RCN1: variants seen among roughly 807,000 people sequenced by gnomAD.
RCN1 encodes the protein reticulocalbin-1.
A neutral mutation model predicts 34.7 loss-of-function variants in RCN1; 14 were observed. The observed-to-expected ratio is 0.40, with a 90% CI of 0.27 to 0.63. The LOEUF is 0.63. Among genes scored for constraint, RCN1 ranks in the 30% least tolerant of loss-of-function variants. The pLI is 0.37. For synonymous variants in RCN1, 125 were observed against 165.5 expected, an observed-to-expected ratio of 0.76 and a Z score of 1.88; for missense variants, 326 against 425.1, an observed-to-expected ratio of 0.77 and a Z score of 2.05.
At chr11:32,098,611 T>C (rs774131786) in intron 3 of RCN1, 83 bp downstream of exon 3, 81 of 1,136,650 alleles carry the variant, frequency 7.1e-5, no homozygotes, top group Non-Finnish European at 8.7e-5. Flanking sequence ...AGAGAGAAGA[T>C]TTTTCAGCCT....
chr11:32,097,011 TGTTGTA>T (rs1367264270), intron 1 of RCN1, 127 bp from the exon 2 acceptor site: 4 of 646,044 alleles, frequency 6.2e-6, no homozygotes, highest in African/African-American at 5.6e-5. Flanking sequence ...TCATTGATTC[TGTTGTA>T]GTTGTATGTG....
In RCN1 at chr11:32,091,423, C is replaced by A; in HGVS notation, c.227C>A (p.Thr76Asn). The A allele has an allele frequency of 2.6e-6, 4 of 1,548,034 alleles. No homozygotes were observed. The highest frequency in any genetic ancestry group is 3.5e-6 in the Non-Finnish European group (4 of 1,145,716). ...KEDSKTFDQLTPDESKERLGK... is the reference protein window; with the variant it reads ...KEDSKTFDQLNPDESKERLGK... ...GACTCCAAGACCTTCGACCAGCTCACCCCGGACGAGAGCAAGGAGAGGCTA... is the reference window on the plus strand; with the variant it reads ...GACTCCAAGACCTTCGACCAGCTCAACCCGGACGAGAGCAAGGAGAGGCTA... The change falls in exon 1 of 6, where the codon ACC (threonine) becomes AAC (asparagine). Residue 76 changes from threonine (T) to asparagine (N), a missense_variant. Coordinates refer to ENST00000054950, the MANE Select transcript of RCN1 (RefSeq NM_002901.4).
Position 32,091,160 on chromosome 11 carries a change from T to G in RCN1, c.-37T>G. Reference sequence around the variant, plus strand: ...CCGAGCTGCCGCTGTTGTCGCTCGCTCAGCGTCTCCCTCTCGGCCGCCCTC... The same window carrying G: ...CCGAGCTGCCGCTGTTGTCGCTCGCGCAGCGTCTCCCTCTCGGCCGCCCTC... On this transcript the variant is annotated 5_prime_UTR_variant, in exon 1 of 6. Coordinates refer to ENST00000054950, the MANE Select transcript of RCN1 (RefSeq NM_002901.4). 2 of 1,389,074 alleles carry G rather than the reference T, an allele frequency of 1.4e-6. No homozygotes were observed. The highest frequency in any genetic ancestry group is 1.9e-6 in the Non-Finnish European group (2 of 1,078,472). 86.0% of individuals were successfully genotyped at this position (1,389,074 alleles called of 1,614,324 possible).
At chr11:32,092,591 C>T (rs1164934205) in intron 1 of RCN1, among the ~76,000 whole-genome samples, 1 of 152,020 alleles carries the variant, frequency 6.6e-6, no homozygotes, top group African/African-American at 2.4e-5. Context: ...AAAACTTCGG[C>T]GCATTTTAGT....
intron 3 of RCN1, among the ~76,000 whole-genome samples, chr11:32,099,444 G>A (rs971732540): frequency 2.0e-5 from 3 of 152,316 alleles, no homozygotes; most frequent in African/African-American, 7.2e-5. Flanking sequence ...TGTTAAAACT[G>A]TATGGAAATG....
At chr11:32,099,757 G>A (rs11031591) in intron 3 of RCN1, among the ~76,000 whole-genome samples, 20,253 of 152,228 alleles carry the variant, frequency 0.13, 1,519 homozygotes, top group East Asian at 0.28. Flanking sequence ...TCCAGGTGGT[G>A]GAAGGGTCCA....
chr11:32,097,081 C>T, intron 1 of RCN1, 63 bp from the exon 2 acceptor site: 1 of 1,347,028 alleles, frequency 7.4e-7, no homozygotes, highest in Non-Finnish European at 9.8e-7. Context: ...TCACACAAGC[C>T]TTGATAATAT....
Position 32,100,532 on chromosome 11 carries a change from AC to A in RCN1, c.628-14del. Reference sequence around the variant, plus strand: ...ACATGGCCATCTTGCATTCTGTTTTACCTTTTGCTTCCTAGGAAACCCTGGA... The same window carrying A: ...ACATGGCCATCTTGCATTCTGTTTTACTTTTGCTTCCTAGGAAACCCTGGA... On this transcript the variant is annotated splice_polypyrimidine_tract_variant and intron_variant, in intron 3 of 5. Transcript: ENST00000054950. 6.2e-7 allele frequency: 1 copy of A among 1,611,076 alleles called. No individual in the cohort carries two copies. Among genetic ancestry groups the A allele is most frequent in the Non-Finnish European group, 8.5e-7 (1 of 1,177,410 alleles).
Position 32,098,421 on chromosome 11 carries a change from A to C in RCN1, c.520A>C (p.Arg174=). Residue 174 remains arginine, a synonymous_variant, in exon 3 of 6, where the codon AGA becomes CGA. Transcript: ENST00000054950. ...AAAGATGCTGCCACGTGATGAGAGAAGATTCAAAGCTGCAGACCTCAATGG... is the reference window on the plus strand; with the variant it reads ...AAAGATGCTGCCACGTGATGAGAGACGATTCAAAGCTGCAGACCTCAATGG... The part of the protein sequence containing the change: ...FKKMLPRDER[R]FKAADLNGDL... 6.2e-7 allele frequency: 1 copy of C among 1,614,132 alleles called. No homozygotes were observed. Among genetic ancestry groups the C allele is most frequent in the East Asian group, 2.2e-5 (1 of 44,874 alleles).
intron 3 of RCN1, among the ~76,000 whole-genome samples, chr11:32,099,243 C>T (rs1358124400): frequency 1.3e-5 from 2 of 152,044 alleles, no homozygotes; most frequent in Non-Finnish European, 2.9e-5. Flanking sequence ...ATCGCTTAAA[C>T]CCAGGAGGCG....
intron 1 of RCN1, among the ~76,000 whole-genome samples, chr11:32,095,843 A>G (rs1429184277): frequency 6.6e-6 from 1 of 152,182 alleles, no homozygotes; most frequent in Non-Finnish European, 1.5e-5. Context: ...GATCCAGCCT[A>G]TCTTTTAGGA....
chr11:32,103,850 AC>A (rs1263767293), intron 5 of RCN1, among the ~76,000 whole-genome samples: 2 of 152,226 alleles, frequency 1.3e-5, no homozygotes, highest in Non-Finnish European at 2.9e-5. Context: ...GGTGTCAGGA[AC>A]AAGGAAGCCC....
At chr11:32,098,276 A>T in intron 2 of RCN1, 74 bp from the exon 3 acceptor site, 1 of 1,344,512 alleles carries the variant, frequency 7.4e-7, no homozygotes, top group Non-Finnish European at 1.0e-6. Context: ...AGCATGCAGG[A>T]TGAGTGATCT....
intron 4 of RCN1, among the ~76,000 whole-genome samples, chr11:32,101,172 G>C (rs1486814632): frequency 6.6e-6 from 1 of 152,086 alleles, no homozygotes; most frequent in Non-Finnish European, 1.5e-5. Context: ...GAGTCCTATA[G>C]TGTCAAATTA....
At chr11:32,099,085 C>T (rs958183906) in intron 3 of RCN1, among the ~76,000 whole-genome samples, 6 of 152,020 alleles carry the variant, frequency 3.9e-5, no homozygotes, top group Admixed American at 2.6e-4. Context: ...TTTGGGAGGC[C>T]GAGGCAGGCG....
intron 2 of RCN1, 96 bp from the exon 3 acceptor site, chr11:32,098,254 A>T: frequency 1.8e-6 from 2 of 1,118,794 alleles, no homozygotes; most frequent in Non-Finnish European, 2.6e-6. Flanking sequence ...TTTTCCCTAT[A>T]TGTACCATTT....
intron 3 of RCN1, 44 bp downstream of exon 3, chr11:32,098,572 A>G (rs1423582050): frequency 1.4e-6 from 2 of 1,452,276 alleles, no homozygotes; most frequent in South Asian, 2.7e-5. Flanking sequence ...ACCAGGGAGA[A>G]AACTGCCTCC....
chr11:32,092,419 T>A (rs1293186357), intron 1 of RCN1, among the ~76,000 whole-genome samples: 1 of 152,090 alleles, frequency 6.6e-6, no homozygotes, highest in Non-Finnish European at 1.5e-5. Context: ...TGGAAACGGT[T>A]CGCCTGAAAC....
intron 5 of RCN1, 149 bp from the exon 6 acceptor site, chr11:32,104,216 C>A: frequency 1.7e-6 from 1 of 578,490 alleles, no homozygotes; most frequent in South Asian, 2.4e-5. Context: ...GCAATGCAGT[C>A]ATGGTAGATG....
Sources: allele counts gnomAD v4.1 joint callset (sites outside exome capture counted in the v4.1 genomes callset), GRCh38; gene constraint gnomAD v4.1.1; transcripts MANE v1.5; gene names NCBI Gene and HGNC (gene_info 2026-07-23, HGNC 2026-07-21).